Variants in FKBP15 observed in about 807,000 individuals in gnomAD.
FKBP15 encodes the protein FKBP prolyl isomerase family member 15, also known as FK506-binding protein 15.
FKBP15 carries 106 observed loss-of-function variants against 158.1 expected under a neutral mutation model. The observed-to-expected ratio is 0.67, with a 90% CI of 0.57 to 0.79. The LOEUF is 0.79. FKBP15 is among the 30% of genes least tolerant of loss of function. FKBP15 has a pLI of 0.00. For synonymous variants in FKBP15, 547 were observed against 548.6 expected (o/e 1.00, Z 0.04); for missense variants, 1,287 against 1,479.1 (o/e 0.87, Z 2.13).
intron 17 of FKBP15, 96 bp from the exon 18 acceptor site, chr9:113,183,941 C>A: frequency 1.1e-6 from 1 of 894,890 alleles, no homozygotes; most frequent in Admixed American, 2.1e-5. Flanking sequence ...ACATTGTTAA[C>A]ATGTTTTGAG....
intron 26 of FKBP15, 136 bp downstream of exon 26, chr9:113,169,088 G>T (rs1437015895): frequency 1.4e-5 from 17 of 1,256,008 alleles, no homozygotes; most frequent in Non-Finnish European, 1.8e-5. Flanking sequence ...AGGTGTTGTT[G>T]AATTAATACA....
chr9:113,204,107 C>T (rs999062809), intron 4 of FKBP15, among the ~76,000 whole-genome samples: 4 of 151,686 alleles, frequency 2.6e-5, no homozygotes, highest in African/African-American at 9.7e-5. Flanking sequence ...GATGACGTTT[C>T]ACTCTTGTTG....
In FKBP15 at chr9:113,186,334, A is replaced by T; in HGVS notation, c.1413T>A (p.Tyr471Ter). The change falls in exon 15 of 28, where the codon TAT becomes TAA. Residue 471 changes from tyrosine to a stop codon, truncating the protein, a stop_gained. Coordinates refer to ENST00000238256, the MANE Select transcript of FKBP15 (RefSeq NM_015258.2). LOFTEE classifies it high-confidence loss of function. ...GGGAGGTGACGGCAGATGCCTGGGG[A>T]TAAGCGTAGGCTTGCATACCTGCAT... ...QPYAGMQAYA[Y>*]PQASAVTSQL... 1 of 1,567,302 alleles carries T rather than the reference A, an allele frequency of 6.4e-7. No homozygotes were observed. Among genetic ancestry groups the T allele is most frequent in the Non-Finnish European group, 8.7e-7 (1 of 1,155,254 alleles).
chr9:113,168,848 T>C (rs1271362657), intron 26 of FKBP15, among the ~76,000 whole-genome samples: 4 of 152,158 alleles, frequency 2.6e-5, no homozygotes, highest in Non-Finnish European at 5.9e-5. Context: ...AATAGCACCC[T>C]GTTTCTTTTT....
chr9:113,195,108 C>T (rs4384054), intron 9 of FKBP15, among the ~76,000 whole-genome samples: 20,896 of 152,070 alleles, frequency 0.14, 1,868 homozygotes, highest in Non-Finnish European at 0.19. Flanking sequence ...ATTATTGGAA[C>T]GCTAAGCTTG....
rs1830170845 is a variant in FKBP15 at position 113,169,753 on chromosome 9, G to C, written c.2956C>G (p.Gln986Glu). The stretch of plus-strand genomic sequence containing the variant: ...AACGGGACAGCTTCCTCGACCACCT[G>C]CTCTGAGGGCACCATGGGGGACTCT... ...RPESPMVPSE[Q>E]VVEEAVPLPP... is the part of the protein sequence containing the mutation. The change falls in exon 26 of 28, where the codon CAG becomes GAG. Residue 986 changes from glutamine to glutamate, a missense_variant. Coordinates refer to ENST00000238256, the MANE Select transcript of FKBP15 (RefSeq NM_015258.2). 6.2e-7 allele frequency: 1 copy of C among 1,610,326 alleles called. No homozygotes were observed. The highest frequency in any genetic ancestry group is 1.3e-5 in the African/African-American group (1 of 74,872).
At chr9:113,213,961 T>C (rs1831069420) in intron 1 of FKBP15, among the ~76,000 whole-genome samples, 1 of 151,904 alleles carries the variant, frequency 6.6e-6, no homozygotes, top group African/African-American at 2.4e-5. Context: ...AGAGACAGGG[T>C]CTCAATCTGT....
chr9:113,193,223 CA>C (rs1162870289), intron 11 of FKBP15, among the ~76,000 whole-genome samples: 2 of 152,126 alleles, frequency 1.3e-5, no homozygotes, highest in Non-Finnish European at 2.9e-5. Context: ...GGGAAATGAA[CA>C]AAGTAACCAT....
At position 113,197,016 on chromosome 9, in the gene FKBP15, T is replaced by C; in HGVS notation, c.780A>G (p.Pro260=). 6.2e-7 allele frequency: 1 copy of C among 1,614,024 alleles called. No individual in the cohort carries two copies. Among genetic ancestry groups the C allele is most frequent in the Admixed American group, 1.7e-5 (1 of 60,020 alleles). Residue 260 remains proline, a synonymous_variant, in exon 9 of 28, where the codon CCA becomes CCG. Coordinates refer to ENST00000238256, the MANE Select transcript of FKBP15 (RefSeq NM_015258.2). The part of the protein sequence containing the change: ...KGGKRLLIVP[P]ACAVGSEGVI... ...CCCCTTCTGAGCCAACAGCACAGGC[T>C]GGAGGGACAATAAGCAATCGCTTTC...
intron 9 of FKBP15, among the ~76,000 whole-genome samples, chr9:113,194,805 A>G (rs1226385650): frequency 6.6e-6 from 1 of 152,218 alleles, no homozygotes; most frequent in African/African-American, 2.4e-5. Context: ...CTTCACTGTT[A>G]TGATCTATAG....
chr9:113,173,726 G>A, intron 22 of FKBP15, 121 bp from the exon 23 acceptor site: 3 of 990,312 alleles, frequency 3.0e-6, no homozygotes, highest in Non-Finnish European at 4.5e-6. Context: ...GATTTAACTG[G>A]GAAACTGTTT....
chr9:113,166,963 T>G (rs1279369792), intron 27 of FKBP15, among the ~76,000 whole-genome samples: 2 of 152,224 alleles, frequency 1.3e-5, no homozygotes, highest in Non-Finnish European at 2.9e-5. Flanking sequence ...CCAACCAGAA[T>G]CCATCTTCAC....
rs772047985 is a variant in FKBP15 at position 113,184,807 on chromosome 9, A to G, written c.1499-3T>C. On this transcript the variant is annotated splice_region_variant and splice_polypyrimidine_tract_variant and intron_variant, in intron 15 of 27. Coordinates refer to ENST00000238256, the MANE Select transcript of FKBP15 (RefSeq NM_015258.2). This position sits in a 1 kb window ranked among gnomAD's most constrained non-coding sequence, Gnocchi z 4.5. ...AAATGAAGCCATATCACCTGATCCT[A>G]AACAGATACAAGCCAAAAAGAAACT... 8.8e-5 allele frequency: 140 copies of G among 1,585,090 alleles called. 1 individual carries two copies. The South Asian group carries it at 1.6e-3, about 18-fold the overall frequency.
At chr9:113,195,270 T>C (rs1032193264) in intron 9 of FKBP15, among the ~76,000 whole-genome samples, 1 of 152,200 alleles carries the variant, frequency 6.6e-6, no homozygotes, top group African/African-American at 2.4e-5. Context: ...CAGTAGTGTA[T>C]AAATCTTTCT....
At chr9:113,206,649 C>T (rs1830892624) in intron 3 of FKBP15, 71 bp from the exon 4 acceptor site, 3 of 1,126,080 alleles carry the variant, frequency 2.7e-6, no homozygotes, top group Middle Eastern at 2.1e-4. Context: ...TCTTTTCTGT[C>T]ATACAGAAGT....
intron 9 of FKBP15, 107 bp downstream of exon 9, chr9:113,196,825 C>T (rs1182373134): frequency 1.4e-6 from 2 of 1,385,110 alleles, no homozygotes; most frequent in African/African-American, 1.5e-5. Context: ...AAATCTATGC[C>T]TTCAGAACCT....
At chr9:113,187,963 G>T in intron 13 of FKBP15, 64 bp from the exon 14 acceptor site, 1 of 1,149,792 alleles carries the variant, frequency 8.7e-7, no homozygotes, top group Non-Finnish European at 1.3e-6. Flanking sequence ...GTCTAGACTA[G>T]CACCTTACAT....
chr9:113,200,815 G>T (rs1364404443), intron 6 of FKBP15, among the ~76,000 whole-genome samples: 2 of 152,072 alleles, frequency 1.3e-5, no homozygotes, highest in Non-Finnish European at 2.9e-5. Flanking sequence ...GGAGGCCGAG[G>T]TGGGCGGATC....
chr9:113,163,181 C>T lies in FKBP15; in HGVS notation c.*2897G>A, dbSNP rs1830045340. 1 of 288,442 alleles carries T rather than the reference C, an allele frequency of 3.5e-6. No homozygotes were observed. The highest frequency in any genetic ancestry group is 5.1e-5 in the Admixed American group (1 of 19,556). The allele number at this position is 288,442 out of a possible 1,614,324, so 17.9% of individuals were successfully genotyped here. ...GTGACCAAAGGGAGAATGGAGATAA[C>T]AGGGGTGGCAGGGTTACTGAGCCCA... On this transcript the variant is annotated 3_prime_UTR_variant, in exon 28 of 28. Coordinates refer to ENST00000238256, the MANE Select transcript of FKBP15 (RefSeq NM_015258.2).
Sources: allele counts gnomAD v4.1 joint callset (sites outside exome capture counted in the v4.1 genomes callset), GRCh38; gene constraint gnomAD v4.1.1; non-coding constraint Gnocchi (gnomAD v3.1); transcripts MANE v1.5; gene names NCBI Gene and HGNC (gene_info 2026-07-23, HGNC 2026-07-21).